The following KIF26B variants were observed in gnomAD, a reference collection of about 807,000 sequenced individuals.
KIF26B encodes kinesin family member 26B, also known as kinesin-like protein KIF26B.
Under a neutral mutation model 151.2 loss-of-function variants are expected in KIF26B, and 63 were observed. The observed-to-expected ratio is 0.42, with a 90% CI of 0.34 to 0.51. The LOEUF is 0.51. Among genes scored for constraint, KIF26B ranks in the 20% least tolerant of loss-of-function variants. The pLI is 0.07. For synonymous variants in KIF26B, 1,357 were observed against 1,262.1 expected (o/e 1.08, Z -1.59); for missense variants, 2,813 against 2,913.6 (o/e 0.97, Z 0.79).
At position 245,589,579 on chromosome 1, in the gene KIF26B, T is replaced by C. The variant is rs148940229; in HGVS notation, c.1351-12998T>C. Reference sequence around the variant, plus strand: ...ACCGTTTTCCTCAAAGACAGTTTTATAAAGAAAATGGACTTTGGGGAACAA... The same window carrying C: ...ACCGTTTTCCTCAAAGACAGTTTTACAAAGAAAATGGACTTTGGGGAACAA... On this transcript the variant is annotated intron_variant, in intron 5 of 14. Transcript: ENST00000407071. 4.1e-3 allele frequency among the ~76,000 whole-genome samples: 627 copies of C among 152,302 alleles called. 1 individual carries two copies. The highest frequency in any genetic ancestry group is 0.014 in the African/African-American group (592 of 41,562).
intron 5 of KIF26B, among the ~76,000 whole-genome samples, chr1:245,565,690 A>G (rs1175147868): frequency 6.6e-6 from 1 of 152,232 alleles, no homozygotes; most frequent in Non-Finnish European, 1.5e-5. Flanking sequence ...CCATTATTCA[A>G]CCTCTGAAAT....
chr1:245,641,560 T>C (rs1432615877), intron 9 of KIF26B, among the ~76,000 whole-genome samples: 1 of 152,146 alleles, frequency 6.6e-6, no homozygotes, highest in Non-Finnish European at 1.5e-5. Context: ...TATTTTCAAA[T>C]AGTCTTGTCT....
At chr1:245,391,655 CA>C (rs11363343) in intron 3 of KIF26B, among the ~76,000 whole-genome samples, 27,609 of 88,408 alleles carry the variant, frequency 0.31, 3,705 homozygotes, top group African/African-American at 0.53. Context: ...GACCCTGACT[CA>C]AAAAAAAAAA....
chr1:245,491,132 T>C (rs1434996991), intron 4 of KIF26B, among the ~76,000 whole-genome samples: 3 of 151,798 alleles, frequency 2.0e-5, no homozygotes, highest in Admixed American at 6.6e-5. Context: ...TTTAATTTTG[T>C]TTATTCTTTT....
intron 2 of KIF26B, among the ~76,000 whole-genome samples, chr1:245,248,872 G>A (rs1169310303): frequency 6.6e-6 from 1 of 152,194 alleles, no homozygotes; most frequent in Non-Finnish European, 1.5e-5. Context: ...ACCAGTCAGT[G>A]GGATGTGAAT....
At chr1:245,261,153 C>CTTTG (rs1461641322) in intron 2 of KIF26B, among the ~76,000 whole-genome samples, 2 of 147,964 alleles carry the variant, frequency 1.4e-5, no homozygotes, top group African/African-American at 5.0e-5. Context: ...TTCTTTCTTT[C>CTTTG]TTTTCTTTTT....
intron 10 of KIF26B, among the ~76,000 whole-genome samples, chr1:245,670,680 T>C (rs1292475234): frequency 1.3e-5 from 2 of 152,158 alleles, no homozygotes; most frequent in African/African-American, 2.4e-5. Flanking sequence ...TATAATGGAA[T>C]ATACGTTTCA....
chr1:245,350,826 A>G (rs1383292176), intron 2 of KIF26B, among the ~76,000 whole-genome samples: 3 of 152,164 alleles, frequency 2.0e-5, no homozygotes, highest in African/African-American at 4.8e-5. Flanking sequence ...ATCGCAGTGT[A>G]TATATGTGTG....
At chr1:245,609,934 G>T (rs925913844) in intron 8 of KIF26B, among the ~76,000 whole-genome samples, 3 of 152,212 alleles carry the variant, frequency 2.0e-5, no homozygotes, top group African/African-American at 7.2e-5. Context: ...TTTACAGCCG[G>T]ATTAGCAGTG....
intron 2 of KIF26B, among the ~76,000 whole-genome samples, chr1:245,262,685 C>T (rs1670669694): frequency 6.6e-6 from 1 of 152,260 alleles, no homozygotes; most frequent in South Asian, 2.1e-4. Flanking sequence ...AAACTCCCGA[C>T]TTCAAGTGAT....
chr1:245,383,204 G>C (rs1673456273), intron 3 of KIF26B, among the ~76,000 whole-genome samples: 1 of 151,906 alleles, frequency 6.6e-6, no homozygotes, highest in South Asian at 2.1e-4. Context: ...TAATTAACAT[G>C]CCCCTGAAAA....
At chr1:245,156,233 T>C in intron 1 of KIF26B, 49 bp from the exon 2 acceptor site, 1 of 1,529,108 alleles carries the variant, frequency 6.5e-7, no homozygotes, top group Non-Finnish European at 8.8e-7. Flanking sequence ...TCCTGGGCGC[T>C]GCAGCCCGCC....
At chr1:245,193,502 C>A (rs73125099) in intron 2 of KIF26B, among the ~76,000 whole-genome samples, 17,707 of 151,334 alleles carry the variant, frequency 0.12, 1,233 homozygotes, top group African/African-American at 0.2. Flanking sequence ...CTTAGGCTTT[C>A]CTTTTTAAAT....
intron 4 of KIF26B, among the ~76,000 whole-genome samples, chr1:245,510,325 G>C (rs1660805070): frequency 6.6e-6 from 1 of 152,144 alleles, no homozygotes; most frequent in African/African-American, 2.4e-5. Flanking sequence ...TATTCTCATG[G>C]GGATATATAT....
chr1:245,609,204 A>G (rs2043491072), intron 7 of KIF26B, 62 bp from the exon 8 acceptor site: 1 of 1,452,710 alleles, frequency 6.9e-7, no homozygotes, highest in Non-Finnish European at 9.2e-7. Context: ...TCTATTTTGG[A>G]GACTCCGTGG....
intron 2 of KIF26B, among the ~76,000 whole-genome samples, chr1:245,237,210 C>T (rs1670127540): frequency 6.6e-6 from 1 of 152,180 alleles, no homozygotes. Flanking sequence ...TAAATGAGGG[C>T]TAGACAGATG....
intron 3 of KIF26B, among the ~76,000 whole-genome samples, chr1:245,382,401 T>A (rs1673431722): frequency 6.6e-6 from 1 of 152,174 alleles, no homozygotes; most frequent in Admixed American, 6.5e-5. Flanking sequence ...CTCAATTTCC[T>A]CTTCCATAGA....
intron 2 of KIF26B, among the ~76,000 whole-genome samples, chr1:245,360,516 TAACTC>T (rs972627336): frequency 5.9e-5 from 9 of 152,230 alleles, no homozygotes; most frequent in African/African-American, 9.6e-5. Flanking sequence ...AATTCTTACT[TAACTC>T]AATAAAATAA....
At chr1:245,681,542 G>C (rs1334849670) in intron 10 of KIF26B, among the ~76,000 whole-genome samples, 3 of 152,178 alleles carry the variant, frequency 2.0e-5, no homozygotes, top group Non-Finnish European at 2.9e-5. Context: ...GACTTACACA[G>C]GGTCACGTGG....
Sources: gnomAD v4.1 joint callset for allele counts (sites outside exome capture counted in the v4.1 genomes callset) on GRCh38, gnomAD v4.1.1 for gene constraint, MANE v1.5 for transcripts, NCBI Gene and HGNC (gene_info 2026-07-23, HGNC 2026-07-21) for gene names.